Variants in TTC28 observed in about 807,000 individuals in gnomAD.
TTC28 encodes the protein tetratricopeptide repeat domain 28, also known as tetratricopeptide repeat protein 28.
Under a neutral mutation model 198.0 loss-of-function variants are expected in TTC28, and 61 were observed. The observed-to-expected ratio is 0.31, with a 90% confidence interval of 0.25 to 0.38. TTC28 has a LOEUF of 0.38. Among genes scored for constraint, TTC28 ranks in the 10% least tolerant of loss-of-function variants. TTC28 has a pLI of 1.00. For missense variants in TTC28, 2,678 were observed against 3,164.0 expected (o/e 0.85, Z 3.69); for synonymous variants, 1,171 against 1,297.8 (o/e 0.90, Z 2.10).
At chr22:28,417,829 C>A (rs994335392) in intron 2 of TTC28, among the ~76,000 whole-genome samples, 1 of 152,182 alleles carries the variant, frequency 6.6e-6, no homozygotes, top group South Asian at 2.1e-4. Flanking sequence ...ATGAGGGCCA[C>A]TGTATGAGTC....
At chr22:28,542,623 A>G (rs1213653183) in intron 2 of TTC28, among the ~76,000 whole-genome samples, 2 of 152,122 alleles carry the variant, frequency 1.3e-5, no homozygotes, top group East Asian at 1.9e-4. Context: ...TTACACATCA[A>G]TAATAAAGAG....
chr22:28,036,534 T>C (rs1939356197), intron 12 of TTC28, among the ~76,000 whole-genome samples: 1 of 152,124 alleles, frequency 6.6e-6, no homozygotes, highest in African/African-American at 2.4e-5. Flanking sequence ...TAGAGGGAAA[T>C]TTATAGCACT....
At chr22:28,569,913 G>A (rs966021985) in intron 2 of TTC28, among the ~76,000 whole-genome samples, 10 of 152,056 alleles carry the variant, frequency 6.6e-5, no homozygotes, top group African/African-American at 9.7e-5. Flanking sequence ...GACACTTTTC[G>A]AAAGAAGACA....
At chr22:28,038,736 T>C (rs932141671) in intron 12 of TTC28, among the ~76,000 whole-genome samples, 2 of 152,144 alleles carry the variant, frequency 1.3e-5, no homozygotes, top group Admixed American at 6.5e-5. Flanking sequence ...ACAGACAACC[T>C]ACAGAATGGG....
At chr22:28,536,067 G>C (rs532614679) in intron 2 of TTC28, among the ~76,000 whole-genome samples, 3 of 150,420 alleles carry the variant, frequency 2.0e-5, no homozygotes, top group African/African-American at 7.3e-5. Context: ...GCTTGGTGGC[G>C]GGCCCCTGTA....
intron 6 of TTC28, among the ~76,000 whole-genome samples, chr22:28,125,301 T>C (rs982766417): frequency 2.0e-5 from 3 of 152,222 alleles, no homozygotes; most frequent in Non-Finnish European, 4.4e-5. Flanking sequence ...AATACCTCGA[T>C]TTATTAATCT....
intron 5 of TTC28, among the ~76,000 whole-genome samples, chr22:28,243,213 A>ACTAGCCAG (rs67637812): frequency 7.6e-6 from 1 of 130,746 alleles, no homozygotes; most frequent in African/African-American, 2.8e-5. Context: ...AAAAAAAAAA[A>ACTAGCCAG]CTAGCCAGCC....
chr22:28,516,314 AAAAACAAAATCTATCTAAAAATGT>A (rs2048785535), intron 2 of TTC28, among the ~76,000 whole-genome samples: 2 of 152,206 alleles, frequency 1.3e-5, no homozygotes, highest in Non-Finnish European at 2.9e-5. Flanking sequence ...TAAGTATTTC[AAAAACAAAATCTATCTAAAAATGT>A]AAAACACAAG....
chr22:28,459,641 G>A (rs2047918440), intron 2 of TTC28, among the ~76,000 whole-genome samples: 1 of 152,114 alleles, frequency 6.6e-6, no homozygotes. Flanking sequence ...TGTTACTACT[G>A]TCACTCCACA....
At chr22:28,171,065 T>C (rs2147082237) in intron 5 of TTC28, among the ~76,000 whole-genome samples, 2 of 152,038 alleles carry the variant, frequency 1.3e-5, no homozygotes, top group South Asian at 4.2e-4. Flanking sequence ...ACTGACTCTA[T>C]GCTGGTGTAC....
chr22:28,302,452 G>A (rs1345281209), intron 3 of TTC28, among the ~76,000 whole-genome samples: 1 of 152,148 alleles, frequency 6.6e-6, no homozygotes, highest in African/African-American at 2.4e-5. Flanking sequence ...GCATCACACT[G>A]CAGAGGAAAA....
chr22:28,140,842 TTGG>T (rs1349957297), intron 6 of TTC28, among the ~76,000 whole-genome samples: 1 of 152,158 alleles, frequency 6.6e-6, no homozygotes, highest in East Asian at 1.9e-4. Context: ...ATTTTTTTAC[TTGG>T]AAAATATAGT....
rs1329682434 is a variant in TTC28 at position 28,107,902 on chromosome 22, C to T, written c.1943G>A (p.Gly648Glu). 6.4e-7 allele frequency: 1 copy of T among 1,551,750 alleles called. No individual in the cohort carries two copies. The highest frequency in any genetic ancestry group is 2.4e-5 in the East Asian group (1 of 40,920). Residue 648 changes from glycine (G) to glutamate (E), a missense_variant, in exon 7 of 23, where the codon GGA becomes GAA. By Grantham distance (98) the Gly-to-Glu change is moderately conservative (BLOSUM62 -2). Transcript: ENST00000397906. ...GTACTTCACTGCCTCCTGATAGTTTCCAAGGCAGTAATGGGCATAGCCAAG... is the reference window on the plus strand; with the variant it reads ...GTACTTCACTGCCTCCTGATAGTTTTCAAGGCAGTAATGGGCATAGCCAAG... ...HNLGYAHYCL[G>E]NYQEAVKYYE... is the part of the protein sequence containing the mutation.
intron 6 of TTC28, among the ~76,000 whole-genome samples, chr22:28,122,548 T>A (rs915920783): frequency 3.3e-5 from 5 of 152,346 alleles, no homozygotes; most frequent in African/African-American, 1.2e-4. Context: ...TGATAATCTT[T>A]ATGGGTTTTG....
rs530025319 is a variant in TTC28 at position 28,678,050 on chromosome 22, T to G, written c.102+1572A>C. Reference sequence around the variant, plus strand: ...CCTTTCTTGAATTAACAGTAATTCATATTTGCTTTGTCATAAATGTAGATA... The same window carrying G: ...CCTTTCTTGAATTAACAGTAATTCAGATTTGCTTTGTCATAAATGTAGATA... On this transcript the variant is annotated intron_variant, in intron 1 of 22. Coordinates refer to ENST00000397906, the MANE Select transcript of TTC28 (RefSeq NM_001145418.2). 2.8e-4 allele frequency among the ~76,000 whole-genome samples: 43 copies of G among 152,284 alleles called. 2 individuals are homozygous for G. The highest frequency in any genetic ancestry group is 9.9e-4 in the African/African-American group (41 of 41,562).
chr22:28,505,927 G>A (rs1430930951), intron 2 of TTC28, among the ~76,000 whole-genome samples: 1 of 152,222 alleles, frequency 6.6e-6, no homozygotes, highest in East Asian at 1.9e-4. Context: ...CCGTCTCCGT[G>A]GTTCAGTAGA....
chr22:28,208,462 C>G (rs1000111107), intron 5 of TTC28, among the ~76,000 whole-genome samples: 4 of 152,090 alleles, frequency 2.6e-5, no homozygotes, highest in African/African-American at 9.7e-5. Context: ...GGTTCAAGCC[C>G]CAGCTCTAAG....
chr22:27,984,766 A>G (rs1937153685), intron 22 of TTC28, among the ~76,000 whole-genome samples: 1 of 152,242 alleles, frequency 6.6e-6, no homozygotes, highest in Non-Finnish European at 1.5e-5. Context: ...CCCATCTGTC[A>G]TGACCTTCAG....
At chr22:28,525,476 G>A (rs2048989299) in intron 2 of TTC28, among the ~76,000 whole-genome samples, 1 of 152,100 alleles carries the variant, frequency 6.6e-6, no homozygotes, top group Non-Finnish European at 1.5e-5. Flanking sequence ...GTTTTCATTA[G>A]TTATTCCCTA....
Sources: gnomAD v4.1 joint callset for allele counts (sites outside exome capture counted in the v4.1 genomes callset) on GRCh38, gnomAD v4.1.1 for gene constraint, MANE v1.5 for transcripts, NCBI Gene and HGNC (gene_info 2026-07-23, HGNC 2026-07-21) for gene names.